The following NFIA variants were observed in gnomAD, a reference collection of about 807,000 sequenced individuals.
NFIA encodes nuclear factor 1 A-type.
NFIA carries 8 observed loss-of-function variants against 62.8 expected under a neutral mutation model. The observed-to-expected ratio is 0.13, with a 90% CI of 0.07 to 0.23. The LOEUF (loss-of-function observed/expected upper bound fraction) is 0.23. Ranked by LOEUF, NFIA falls within the 10% of genes least tolerant of loss-of-function variation. The pLI is 1.00. For missense variants in NFIA, 410 were observed against 642.1 expected (o/e 0.64, Z 3.91); for synonymous variants, 235 against 238.1 (o/e 0.99, Z 0.12).
rs1646267369 is a variant in NFIA at position 61,088,899 on chromosome 1, G to C, written c.559+219G>C. On this transcript the variant is annotated intron_variant, in intron 2 of 10. Transcript: ENST00000403491. The surrounding 1 kb of genome is among the most constrained non-coding windows in gnomAD (Gnocchi z 4.5). Reference sequence around the variant, plus strand: ...AAGTTCAGCTCTTTTGGTAAGTAGTGTTTTCAGAGGCGTTGGTAATCAGAT... The same window carrying C: ...AAGTTCAGCTCTTTTGGTAAGTAGTCTTTTCAGAGGCGTTGGTAATCAGAT... 6.6e-6 allele frequency among the ~76,000 whole-genome samples: 1 copy of C among 152,140 alleles called. No homozygotes were observed. The highest frequency in any genetic ancestry group is 2.4e-5 in the African/African-American group (1 of 41,416).
chr1:61,226,773 G>C (rs1466659732), intron 2 of NFIA, among the ~76,000 whole-genome samples: 2 of 152,128 alleles, frequency 1.3e-5, no homozygotes, highest in East Asian at 3.8e-4. Context: ...GTCTAAGAAG[G>C]CTTCATGGGA....
intron 2 of NFIA, among the ~76,000 whole-genome samples, chr1:61,249,423 C>T (rs1014940543): frequency 2.0e-5 from 3 of 152,128 alleles, no homozygotes; most frequent in Non-Finnish European, 2.9e-5. Flanking sequence ...GTCTTCTTTA[C>T]GCTTAACATG....
chr1:61,255,830 A>T (rs1656356596), intron 2 of NFIA, among the ~76,000 whole-genome samples: 2 of 152,184 alleles, frequency 1.3e-5, no homozygotes, highest in African/African-American at 4.8e-5. Context: ...TATCACAGAA[A>T]TGAAAACTTC....
At chr1:61,309,245 C>T (rs1053970277) in intron 3 of NFIA, among the ~76,000 whole-genome samples, 21 of 151,708 alleles carry the variant, frequency 1.4e-4, no homozygotes, top group Non-Finnish European at 2.9e-5. Context: ...TATGAAGAGA[C>T]CCTACATGTG....
In NFIA at chr1:61,426,474, C is replaced by T; in HGVS notation, c.1430C>T (p.Thr477Ile). The change falls in exon 10 of 11, where the codon ACA becomes ATA. Residue 477 changes from threonine (T) to isoleucine (I), a missense_variant. Around this residue, in one of 3 missense-constraint regions of NFIA, gnomAD observed 298 missense variants for 438.1 expected, o/e 0.68. Coordinates refer to ENST00000403491, the MANE Select transcript of NFIA (RefSeq NM_001134673.4). Reference sequence around the variant, plus strand: ...TCCCTTCCCTTCACAGCCTACTCGACACCCAGCACCTCCCCCGCAAACCGA... The same window carrying T: ...TCCCTTCCCTTCACAGCCTACTCGATACCCAGCACCTCCCCCGCAAACCGA... Reference protein sequence around the residue: ...AASPTSPTYSTPSTSPANRFV... With the variant: ...AASPTSPTYSIPSTSPANRFV... 6.4e-7 allele frequency: 1 copy of T among 1,551,820 alleles called. No individual in the cohort carries two copies.
At chr1:61,402,245 A>C (rs966747073) in intron 7 of NFIA, among the ~76,000 whole-genome samples, 1 of 151,498 alleles carries the variant, frequency 6.6e-6, no homozygotes, top group African/African-American at 2.4e-5. Context: ...TCACCGTGTT[A>C]CCCAGGGTGG....
At chr1:61,299,927 G>A (rs1659402762) in intron 3 of NFIA, among the ~76,000 whole-genome samples, 1 of 152,004 alleles carries the variant, frequency 6.6e-6, no homozygotes, top group African/African-American at 2.4e-5. Context: ...TTTAAAATTA[G>A]ATAATGTTTT....
chr1:61,291,334 T>TA (rs1159347404), intron 3 of NFIA, among the ~76,000 whole-genome samples: 1 of 152,194 alleles, frequency 6.6e-6, no homozygotes, highest in Non-Finnish European at 1.5e-5. Context: ...CTTCTGTATG[T>TA]AAATTGACTA....
At chr1:61,435,917 T>C (rs904830104) in intron 10 of NFIA, among the ~76,000 whole-genome samples, 3 of 152,176 alleles carry the variant, frequency 2.0e-5, no homozygotes, top group Non-Finnish European at 4.4e-5. Context: ...GCTTGGCTTA[T>C]TATTCTGCCT....
chr1:61,315,833 G>A (rs1238306164), intron 3 of NFIA, among the ~76,000 whole-genome samples: 1 of 152,204 alleles, frequency 6.6e-6, no homozygotes, highest in Non-Finnish European at 1.5e-5. Flanking sequence ...CTTGAGTTGA[G>A]AGCAGAGAAC....
At chr1:61,261,917 T>C (rs1390822823) in intron 2 of NFIA, among the ~76,000 whole-genome samples, 1 of 152,242 alleles carries the variant, frequency 6.6e-6, no homozygotes, top group Non-Finnish European at 1.5e-5. Flanking sequence ...TTTCTAAACC[T>C]GCAAGAGATT....
chr1:61,346,297 T>A (rs1662223803), intron 4 of NFIA, among the ~76,000 whole-genome samples: 1 of 152,174 alleles, frequency 6.6e-6, no homozygotes, highest in African/African-American at 2.4e-5. Context: ...TGCATCGTTT[T>A]TATAGCACAC....
intron 4 of NFIA, among the ~76,000 whole-genome samples, chr1:61,347,945 G>C (rs1345473270): frequency 1.3e-5 from 2 of 152,042 alleles, no homozygotes; most frequent in Non-Finnish European, 1.5e-5. Flanking sequence ...TCACTTCAAG[G>C]CTTCGTTCTC....
intron 3 of NFIA, among the ~76,000 whole-genome samples, chr1:61,289,454 T>C (rs1658725434): frequency 6.6e-6 from 1 of 152,206 alleles, no homozygotes; most frequent in African/African-American, 2.4e-5. Flanking sequence ...AAGTAGCTTG[T>C]CCTACAGTCA....
At chr1:61,178,414 A>G (rs536639026) in intron 2 of NFIA, among the ~76,000 whole-genome samples, 2 of 152,306 alleles carry the variant, frequency 1.3e-5, no homozygotes, top group South Asian at 2.1e-4. Flanking sequence ...TGCCTAGGCT[A>G]TATGCTAGGT....
At chr1:61,169,810 G>T (rs1649828367) in intron 2 of NFIA, among the ~76,000 whole-genome samples, 1 of 151,908 alleles carries the variant, frequency 6.6e-6, no homozygotes, top group Non-Finnish European at 1.5e-5. Flanking sequence ...GTGAATCCTG[G>T]CTTCTTGCAC....
chr1:61,354,810 G>C (rs1012710817), intron 5 of NFIA, among the ~76,000 whole-genome samples: 14 of 152,098 alleles, frequency 9.2e-5, no homozygotes, highest in Non-Finnish European at 1.9e-4. Flanking sequence ...AGGCCAACAC[G>C]TGTGCAGCCT....
At chr1:61,083,593 TGGCCC>T in intron 1 of NFIA, among the ~76,000 whole-genome samples, 1 of 151,718 alleles carries the variant, frequency 6.6e-6, no homozygotes, top group South Asian at 2.1e-4. Context: ...CGCGCGCCGG[TGGCCC>T]GTTGGCTCTC....
intron 2 of NFIA, among the ~76,000 whole-genome samples, chr1:61,145,905 G>GAATTAA (rs1647899071): frequency 6.6e-6 from 1 of 152,150 alleles, no homozygotes; most frequent in Admixed American, 6.5e-5. Flanking sequence ...TTCTTTGTAT[G>GAATTAA]ACTACAAGTC....
Sources: gnomAD v4.1 joint callset for allele counts (sites outside exome capture counted in the v4.1 genomes callset) on GRCh38, gnomAD v4.1.1 for gene constraint, gnomAD v4.1.1 regional missense constraint, Gnocchi (gnomAD v3.1) non-coding constraint, MANE v1.5 for transcripts, NCBI Gene and HGNC (gene_info 2026-07-23, HGNC 2026-07-21) for gene names.